CDA: variants seen among roughly 807,000 people sequenced by gnomAD.
CDA encodes the protein cytidine aminohydrolase.
In CDA, 7 loss-of-function variants were observed where a neutral mutation model predicts 15.0. The ratio of observed to expected loss-of-function variants is 0.47; its 90% CI spans 0.26 to 0.87. The LOEUF (loss-of-function observed/expected upper bound fraction) is 0.87. CDA is among the 40% of genes least tolerant of loss of function. CDA has a pLI of 0.15. For missense variants in CDA, 159 were observed against 182.7 expected, an observed-to-expected ratio of 0.87 and a Z score of 0.75; for synonymous variants, 58 against 73.0, an observed-to-expected ratio of 0.79 and a Z score of 1.05.
intron 1 of CDA, 104 bp downstream of exon 1, chr1:20,589,387 C>T (rs1440549342): frequency 4.5e-6 from 5 of 1,122,558 alleles, no homozygotes; most frequent in African/African-American, 1.6e-5. Context: ...GGCAAGAGCG[C>T]GGCTCTGTCC....
chr1:20,598,296 C>T (rs1223157532), intron 1 of CDA, among the ~76,000 whole-genome samples: 4 of 152,148 alleles, frequency 2.6e-5, no homozygotes, highest in Non-Finnish European at 5.9e-5. Context: ...ACTCTCCTGC[C>T]ACATGAGGAA....
chr1:20,610,713 G>A (rs192057758), intron 2 of CDA, among the ~76,000 whole-genome samples: 3 of 152,276 alleles, frequency 2.0e-5, no homozygotes, highest in Admixed American at 6.5e-5. Context: ...GCTTACATAC[G>A]TAAGGAAATA....
Position 20,618,804 on chromosome 1 carries a change from A to G in CDA, c.*236A>G. The stretch of plus-strand genomic sequence containing the variant: ...TTTCCTTCCTGTGGGCCCTCTTTCA[A>G]AGTCCAGCCTAGTCTGGACTGCTTC... On this transcript the variant is annotated 3_prime_UTR_variant, in exon 4 of 4. Coordinates refer to ENST00000375071, the MANE Select transcript of CDA (RefSeq NM_001785.3). 1 of 516,162 alleles carries G rather than the reference A, an allele frequency of 1.9e-6. No homozygotes were observed. Among genetic ancestry groups the G allele is most frequent in the South Asian group, 1.9e-5 (1 of 51,384 alleles). 32.0% of individuals were successfully genotyped at this position (516,162 alleles called of 1,614,324 possible). A position where few individuals can be genotyped will look rare whatever the true frequency, so the allele number is the denominator to read the frequency against.
At chr1:20,611,685 G>A (rs755961616) in intron 2 of CDA, among the ~76,000 whole-genome samples, 48 of 152,064 alleles carry the variant, frequency 3.2e-4, no homozygotes, top group African/African-American at 8.2e-4. Context: ...GGCCAAAGCC[G>A]CCTGTTTTAG....
rs182588522 is a variant in CDA, at chr1:20,616,370, G to A, written c.325-2082G>A. On this transcript the variant is annotated intron_variant, in intron 3 of 3. Coordinates refer to ENST00000375071, the MANE Select transcript of CDA (RefSeq NM_001785.3). Reference sequence around the variant, plus strand: ...TTTTAGCTTTGTTTTTGTGCCGTGGGGTTTCAAAGCATCTGGGGATGCAGA... The same window carrying A: ...TTTTAGCTTTGTTTTTGTGCCGTGGAGTTTCAAAGCATCTGGGGATGCAGA... Among the ~76,000 whole-genome samples, 545 of 152,274 alleles carry A rather than the reference G, an allele frequency of 3.6e-3. 4 individuals are homozygous for A. The highest frequency in any genetic ancestry group is 0.013 in the African/African-American group (526 of 41,570).
At chr1:20,597,702 A>T (rs2052602764) in intron 1 of CDA, among the ~76,000 whole-genome samples, 1 of 152,152 alleles carries the variant, frequency 6.6e-6, no homozygotes, top group Admixed American at 6.6e-5. Flanking sequence ...ATTATTATGG[A>T]TTTCTAACTT....
intron 1 of CDA, among the ~76,000 whole-genome samples, chr1:20,592,966 A>T (rs1161589568): frequency 6.6e-6 from 1 of 152,128 alleles, no homozygotes; most frequent in African/African-American, 2.4e-5. Context: ...GGTGGCGTGC[A>T]TCTGTGGTCC....
chr1:20,603,239 A>G (rs1316202646), intron 1 of CDA, among the ~76,000 whole-genome samples: 1 of 152,236 alleles, frequency 6.6e-6, no homozygotes, highest in Non-Finnish European at 1.5e-5. Context: ...TATTAGACAT[A>G]GGTTATGCTA....
intron 1 of CDA, among the ~76,000 whole-genome samples, chr1:20,595,804 C>T (rs2052587019): frequency 6.8e-6 from 1 of 147,598 alleles, no homozygotes; most frequent in Non-Finnish European, 1.5e-5. Flanking sequence ...CACGCCACTG[C>T]ACTCCAGCCC....
At chr1:20,608,415 T>TTTTGTTTTGTTTTGTTTTGTTTTGC (rs1462429168) in intron 2 of CDA, among the ~76,000 whole-genome samples, 2 of 151,802 alleles carry the variant, frequency 1.3e-5, no homozygotes, top group Non-Finnish European at 2.9e-5. Flanking sequence ...TTTTGTTTTG[T>TTTTGTTTTGTTTTGTTTTGTTTTGC]TTTGTTTTGT....
Position 20,613,900 on chromosome 1 carries a change from GT to G in CDA, c.324+2del, listed in dbSNP as rs2052777852. ...GGCCTGCAGGCAAGTCATGAGAGAGGTAAGCAGCTTCTCTTGCTGTCTGGAA... is the reference window on the plus strand; with the variant it reads ...GGCCTGCAGGCAAGTCATGAGAGAGGAAGCAGCTTCTCTTGCTGTCTGGAA... On this transcript the variant is annotated splice_donor_variant, in intron 3 of 3. Coordinates refer to ENST00000375071, the MANE Select transcript of CDA (RefSeq NM_001785.3). LOFTEE classifies it high-confidence loss of function. 6.2e-7 allele frequency: 1 copy of G among 1,613,468 alleles called. No individual in the cohort carries two copies. The highest frequency in any genetic ancestry group is 8.5e-7 in the Non-Finnish European group (1 of 1,179,674).
intron 1 of CDA, among the ~76,000 whole-genome samples, chr1:20,590,139 C>T (rs1299000992): frequency 2.6e-5 from 4 of 152,092 alleles, no homozygotes; most frequent in South Asian, 2.1e-4. Context: ...GAGGTTCTGT[C>T]GGGTGTGACT....
intron 2 of CDA, among the ~76,000 whole-genome samples, chr1:20,607,099 G>A (rs72650810): frequency 0.12 from 18,111 of 152,220 alleles, 1,189 homozygotes; most frequent in East Asian, 0.19. Context: ...CTGTGGTAGA[G>A]CTACAGCACC....
At chr1:20,596,229 T>C (rs559889637) in intron 1 of CDA, among the ~76,000 whole-genome samples, 1 of 152,238 alleles carries the variant, frequency 6.6e-6, no homozygotes, top group Non-Finnish European at 1.5e-5. Context: ...ATATAATTCA[T>C]ACCTGAAATG....
chr1:20,605,108 TATTC>T (rs75720390), intron 2 of CDA, 69 bp downstream of exon 2: 65 of 902,608 alleles, frequency 7.2e-5, no homozygotes, highest in Non-Finnish European at 8.9e-5. Context: ...TTACACATAT[TATTC>T]ATTCATTCAT....
chr1:20,596,266 G>C (rs933484481), intron 1 of CDA, among the ~76,000 whole-genome samples: 2 of 152,198 alleles, frequency 1.3e-5, no homozygotes, highest in African/African-American at 4.8e-5. Flanking sequence ...AGGAGGTTAG[G>C]AACATGGAGA....
At chr1:20,617,198 T>C (rs539959236) in intron 3 of CDA, among the ~76,000 whole-genome samples, 1 of 152,260 alleles carries the variant, frequency 6.6e-6, no homozygotes, top group South Asian at 2.1e-4. Flanking sequence ...GTTATCATTT[T>C]CCCAAGGTCA....
At chr1:20,610,112 A>G (rs929495182) in intron 2 of CDA, among the ~76,000 whole-genome samples, 3 of 152,146 alleles carry the variant, frequency 2.0e-5, no homozygotes, top group African/African-American at 7.2e-5. Flanking sequence ...ACTCCTGAGC[A>G]TAGTGAATTT....
Position 20,608,662 on chromosome 1 carries a change from G to A in CDA, c.266+3623G>A, listed in dbSNP as rs181650534. 2.7e-3 allele frequency among the ~76,000 whole-genome samples: 414 copies of A among 152,250 alleles called. 3 individuals are homozygous for A. The highest frequency in any genetic ancestry group is 9.5e-3 in the African/African-American group (396 of 41,532). On this transcript the variant is annotated intron_variant, in intron 2 of 3. Transcript: ENST00000375071. ...TGGCCTCAAGTGATCTGCCCACCTC[G>A]GCCTCCCAAAGTGCTGGGATTATAG...
Sources: gnomAD v4.1 joint callset for allele counts (sites outside exome capture counted in the v4.1 genomes callset) on GRCh38, gnomAD v4.1.1 for gene constraint, MANE v1.5 for transcripts, NCBI Gene and HGNC (gene_info 2026-07-23, HGNC 2026-07-21) for gene names.